PDE10A: variants seen among roughly 807,000 people sequenced by gnomAD.
The protein encoded by PDE10A is cAMP and cAMP-inhibited cGMP 3',5'-cyclic phosphodiesterase 10A.
Under a neutral mutation model 97.7 loss-of-function variants are expected in PDE10A, and 39 were observed. The observed-to-expected ratio is 0.40, with a 90% CI of 0.31 to 0.52. The LOEUF (loss-of-function observed/expected upper bound fraction) is 0.52, where lower values mean the gene tolerates loss of function less well. Ranked by LOEUF, PDE10A falls within the 20% of genes least tolerant of loss-of-function variation. The probability of loss-of-function intolerance (pLI) is 0.56; values close to 1 mark genes in which losing one functional copy is unlikely to be tolerated. For synonymous variants in PDE10A, 371 were observed against 376.8 expected (o/e 0.98, Z 0.18); for missense variants, 731 against 1,047.8 (o/e 0.70, Z 4.17).
intron 1 of PDE10A, among the ~76,000 whole-genome samples, chr6:165,653,936 C>T (rs1171273153): frequency 6.6e-6 from 1 of 152,128 alleles, no homozygotes; most frequent in East Asian, 1.9e-4. Context: ...GCCCTGACTT[C>T]TGGCTGCGCA....
At chr6:165,959,555 T>C (rs941234434) in intron 1 of PDE10A, among the ~76,000 whole-genome samples, 1 of 152,206 alleles carries the variant, frequency 6.6e-6, no homozygotes, top group African/African-American at 2.4e-5. Flanking sequence ...AGACTGGATA[T>C]CTTTGGAATA....
At chr6:165,922,777 G>T (rs756715085) in intron 1 of PDE10A, among the ~76,000 whole-genome samples, 3 of 152,168 alleles carry the variant, frequency 2.0e-5, no homozygotes, top group Admixed American at 6.5e-5. Flanking sequence ...AGATAGATCT[G>T]CTCACAACTG....
intron 21 of PDE10A, among the ~76,000 whole-genome samples, chr6:165,333,406 AAAG>A (rs1781455630): frequency 6.6e-6 from 1 of 152,172 alleles, no homozygotes; most frequent in African/African-American, 2.4e-5. Flanking sequence ...CCTTTCTTAG[AAAG>A]AAGGATTAAC....
At chr6:165,504,913 A>G (rs1310231662) in intron 2 of PDE10A, among the ~76,000 whole-genome samples, 2 of 152,158 alleles carry the variant, frequency 1.3e-5, no homozygotes. Flanking sequence ...GGTGAGACTG[A>G]ATTCAGAACT....
intron 1 of PDE10A, among the ~76,000 whole-genome samples, chr6:165,818,041 C>T (rs1232920626): frequency 3.3e-5 from 5 of 152,170 alleles, no homozygotes; most frequent in African/African-American, 9.7e-5. Flanking sequence ...GCTCTCTGAG[C>T]GAAGCAAGCT....
intron 1 of PDE10A, among the ~76,000 whole-genome samples, chr6:165,637,824 A>G (rs1385084515): frequency 6.6e-6 from 1 of 152,176 alleles, no homozygotes; most frequent in Admixed American, 6.5e-5. Flanking sequence ...TGATATTTAC[A>G]ATAAGGGCAG....
At chr6:165,676,844 G>C (rs1012923843) in intron 1 of PDE10A, among the ~76,000 whole-genome samples, 1 of 152,108 alleles carries the variant, frequency 6.6e-6, no homozygotes, top group Non-Finnish European at 1.5e-5. Context: ...CCTGCCTGTC[G>C]GCATGGACTT....
At chr6:165,585,906 TAAGTA>T (rs916733475) in intron 1 of PDE10A, among the ~76,000 whole-genome samples, 23 of 152,102 alleles carry the variant, frequency 1.5e-4, no homozygotes, top group Non-Finnish European at 2.8e-4. Context: ...CCCCTTGCGC[TAAGTA>T]ATCAGCTCTT....
chr6:165,447,159 C>A (rs942048575), intron 5 of PDE10A, among the ~76,000 whole-genome samples: 1 of 151,924 alleles, frequency 6.6e-6, no homozygotes, highest in Non-Finnish European at 1.5e-5. Context: ...AACCTAAATC[C>A]AAGCCCGCAA....
At chr6:165,407,552 T>C (rs13207229) in intron 13 of PDE10A, among the ~76,000 whole-genome samples, 34,511 of 152,132 alleles carry the variant, frequency 0.23, 4,972 homozygotes, top group Non-Finnish European at 0.31. Context: ...ATATCCACCA[T>C]CTGGTATAAA....
Position 165,364,683 on chromosome 6 carries a change from C to A in PDE10A, c.2783+14511G>T, listed in dbSNP as rs75569966. On this transcript the variant is annotated intron_variant, in intron 18 of 21. Coordinates refer to ENST00000539869, the MANE Select transcript of PDE10A (RefSeq NM_001385079.1). Reference sequence around the variant, plus strand: ...GTGTAATTACACCTAAATAAAGTTGCTTTAACAATCATCTTTTCTGTCTTG... The same window carrying A: ...GTGTAATTACACCTAAATAAAGTTGATTTAACAATCATCTTTTCTGTCTTG... Among the ~76,000 whole-genome samples the A allele has an allele frequency of 4.6e-4, 70 of 152,204 alleles. No individual in the cohort carries two copies. The East Asian group carries it at 0.013, about 28-fold the overall frequency.
chr6:165,778,257 A>C (rs1163277562), intron 1 of PDE10A, among the ~76,000 whole-genome samples: 1 of 152,038 alleles, frequency 6.6e-6, no homozygotes, highest in African/African-American at 2.4e-5. Context: ...TTTTTAGTAG[A>C]GACGGGGTTT....
At chr6:165,658,210 G>C (rs1790061827) in intron 1 of PDE10A, among the ~76,000 whole-genome samples, 1 of 152,192 alleles carries the variant, frequency 6.6e-6, no homozygotes, top group South Asian at 2.1e-4. Context: ...GTTTGTTCAA[G>C]TGTCGGCCAC....
intron 20 of PDE10A, among the ~76,000 whole-genome samples, chr6:165,338,721 C>T (rs999366824): frequency 6.6e-6 from 1 of 152,102 alleles, no homozygotes; most frequent in Admixed American, 6.5e-5. Context: ...TTCATCCACC[C>T]CCTCTATTTC....
intron 1 of PDE10A, among the ~76,000 whole-genome samples, chr6:165,621,298 CAA>C (rs201406861): frequency 0.07 from 9,658 of 138,238 alleles, 987 homozygotes; most frequent in African/African-American, 0.23. Context: ...TTTAAGCTTT[CAA>C]AAAAAAAAAA....
intron 1 of PDE10A, among the ~76,000 whole-genome samples, chr6:165,844,673 A>G (rs1288088785): frequency 1.3e-5 from 2 of 152,240 alleles, no homozygotes; most frequent in East Asian, 3.8e-4. Flanking sequence ...TTTTGACCTA[A>G]TAAACTTTAT....
At chr6:165,973,120 A>G (rs753341901) in intron 1 of PDE10A, among the ~76,000 whole-genome samples, 6 of 152,194 alleles carry the variant, frequency 3.9e-5, no homozygotes, top group Admixed American at 1.3e-4. Context: ...GTTGAGCCCA[A>G]TCCAAAATGT....
intron 1 of PDE10A, among the ~76,000 whole-genome samples, chr6:165,896,784 A>G (rs1781962553): frequency 6.6e-6 from 1 of 152,072 alleles, no homozygotes; most frequent in Non-Finnish European, 1.5e-5. Context: ...TCGGCCTCCC[A>G]AAGTGCTGGG....
At chr6:165,566,878 T>C (rs1408086406) in intron 1 of PDE10A, among the ~76,000 whole-genome samples, 2 of 152,204 alleles carry the variant, frequency 1.3e-5, no homozygotes, top group African/African-American at 2.4e-5. Flanking sequence ...TACAATCACA[T>C]TGAAAAATTG....
Sources: gnomAD v4.1 joint callset for allele counts (sites outside exome capture counted in the v4.1 genomes callset) on GRCh38, gnomAD v4.1.1 for gene constraint, MANE v1.5 for transcripts, NCBI Gene and HGNC (gene_info 2026-07-23, HGNC 2026-07-21) for gene names.